Variants in TBC1D8 observed in about 807,000 individuals in gnomAD.
TBC1D8 encodes the protein BUB2-like protein 1.
A neutral mutation model predicts 118.8 loss-of-function variants in TBC1D8; 65 were observed. The ratio of observed to expected loss-of-function variants is 0.55; its 90% CI spans 0.45 to 0.67. The LOEUF (loss-of-function observed/expected upper bound fraction) is 0.67. Ranked by LOEUF, TBC1D8 falls within the 30% of genes least tolerant of loss-of-function variation. The pLI, the probability that TBC1D8 is intolerant of heterozygous loss-of-function variation, is 0.00. For missense variants in TBC1D8, 1,376 were observed against 1,471.2 expected (o/e 0.94, Z 1.06); for synonymous variants, 566 against 595.8 (o/e 0.95, Z 0.73).
chr2:101,131,018 G>A (rs1272204335), intron 1 of TBC1D8, among the ~76,000 whole-genome samples: 1 of 152,024 alleles, frequency 6.6e-6, no homozygotes, highest in Non-Finnish European at 1.5e-5. Flanking sequence ...TGCCCTGCTG[G>A]GTGTGGCACC....
chr2:101,007,875 T>C lies in TBC1D8; in HGVS notation c.3414A>G (p.Lys1138=). The stretch of plus-strand genomic sequence containing the variant: ...GTGATTGGTGGCTCATTTCAAAAGT[T>C]TTGAGATTGTACTGATTGATCTTGG... ...ENAKINQYNL[K]TFEMSHQSQS... Residue 1138 remains lysine, a synonymous_variant, in exon 20 of 20, where the codon AAA becomes AAG. Transcript: ENST00000409318. 3 of 1,612,422 alleles carry C rather than the reference T, an allele frequency of 1.9e-6. No homozygotes were observed. In the South Asian group the frequency reaches 3.3e-5, roughly 18 times the overall value.
At chr2:101,112,478 A>G (rs1341648390) in intron 1 of TBC1D8, among the ~76,000 whole-genome samples, 6 of 152,232 alleles carry the variant, frequency 3.9e-5, no homozygotes, top group Admixed American at 3.9e-4. Context: ...CCAAGATGTC[A>G]CAAAGAGCTT....
chr2:101,071,255 G>A (rs1459480097), intron 2 of TBC1D8, among the ~76,000 whole-genome samples: 3 of 152,166 alleles, frequency 2.0e-5, no homozygotes, highest in Admixed American at 6.5e-5. Flanking sequence ...TGAGGCAGGA[G>A]AATGGTGTGA....
chr2:101,035,580 A>G (rs2105393872), intron 9 of TBC1D8, among the ~76,000 whole-genome samples: 1 of 152,274 alleles, frequency 6.6e-6, no homozygotes, highest in East Asian at 1.9e-4. Context: ...ATGTGTCTTC[A>G]CTGGAGGAGG....
At chr2:101,068,571 T>C in intron 2 of TBC1D8, 1 of 559,798 alleles carries the variant, frequency 1.8e-6, no homozygotes, top group Middle Eastern at 4.8e-4. Flanking sequence ...CTGACTCTGG[T>C]AAAATTAGAG....
intron 2 of TBC1D8, among the ~76,000 whole-genome samples, chr2:101,072,095 A>G (rs370575215): frequency 6.6e-6 from 1 of 152,236 alleles, no homozygotes; most frequent in East Asian, 1.9e-4. Context: ...AACCAGGTGC[A>G]TTGTCAATAA....
At chr2:101,145,531 A>G (rs1396835121) in intron 1 of TBC1D8, among the ~76,000 whole-genome samples, 1 of 152,216 alleles carries the variant, frequency 6.6e-6, no homozygotes, top group African/African-American at 2.4e-5. Flanking sequence ...ACTCCAGCCA[A>G]CCTCAGACAG....
chr2:101,107,442 C>T (rs896089389), intron 1 of TBC1D8, among the ~76,000 whole-genome samples: 9 of 148,128 alleles, frequency 6.1e-5, no homozygotes, highest in African/African-American at 2.2e-4. Flanking sequence ...AGGGCCCAGA[C>T]AGAAAAAAAA....
At chr2:101,021,349 A>C (rs1680017681) in intron 17 of TBC1D8, among the ~76,000 whole-genome samples, 1 of 152,214 alleles carries the variant, frequency 6.6e-6, no homozygotes, top group Non-Finnish European at 1.5e-5. Flanking sequence ...ATAACTATTA[A>C]GGTAATGAGG....
rs765884689 is a variant in TBC1D8 at position 101,007,835 on chromosome 2, G to C, written c.3454C>G (p.Leu1152Val). The C allele has an allele frequency of 1.2e-5, 19 of 1,613,644 alleles. No homozygotes were observed. The highest frequency in any genetic ancestry group is 5.5e-5 in the South Asian group (5 of 91,072). ...CTGCTGTCTTGCTACAAGTTACTCA[G>C]CTTAAGTTCAGATTGTGATTGGTGG... ...MSHQSQSELK[L>V]SNL Residue 1152 changes from leucine to valine, a missense_variant, in exon 20 of 20, where the codon CTG becomes GTG. Transcript: ENST00000409318.
chr2:101,086,784 TTC>T (rs1006778980), intron 2 of TBC1D8, among the ~76,000 whole-genome samples: 8 of 152,064 alleles, frequency 5.3e-5, no homozygotes, highest in African/African-American at 1.9e-4. Context: ...GCAAAAAAAT[TTC>T]TTTTTTTCTT....
chr2:101,149,863 A>G (rs1679476548), intron 1 of TBC1D8, among the ~76,000 whole-genome samples: 1 of 152,164 alleles, frequency 6.6e-6, no homozygotes, highest in Non-Finnish European at 1.5e-5. Flanking sequence ...GTGCTGCCCA[A>G]GTTGCCCAAG....
intron 12 of TBC1D8, among the ~76,000 whole-genome samples, chr2:101,028,988 T>C (rs1680511554): frequency 1.3e-5 from 2 of 152,270 alleles, no homozygotes; most frequent in Middle Eastern, 3.4e-3. Context: ...TTTCTCACTG[T>C]GGAAAGGAGT....
chr2:101,024,041 A>G (rs1680194986), intron 15 of TBC1D8: 1 of 152,496 alleles, frequency 6.6e-6, no homozygotes, highest in East Asian at 1.9e-4. Flanking sequence ...AACCCAAGGT[A>G]CACCATGAAT....
At chr2:101,077,929 C>CT (rs2105443671) in intron 2 of TBC1D8, among the ~76,000 whole-genome samples, 1 of 152,328 alleles carries the variant, frequency 6.6e-6, no homozygotes, top group South Asian at 2.1e-4. Context: ...TAACAACACT[C>CT]TTACAGAACC....
chr2:101,048,341 A>G (rs1258597606), intron 5 of TBC1D8, among the ~76,000 whole-genome samples: 2 of 152,184 alleles, frequency 1.3e-5, no homozygotes, highest in Non-Finnish European at 2.9e-5. Flanking sequence ...AGGTGCTCCT[A>G]AGATGGAGGC....
chr2:101,028,578 T>C, intron 12 of TBC1D8, 146 bp from the exon 13 acceptor site: 2 of 1,239,062 alleles, frequency 1.6e-6, no homozygotes, highest in South Asian at 3.9e-5. Flanking sequence ...CGGCTTATTT[T>C]AGAGAAGCGA....
chr2:101,107,165 A>G (rs1677274895), intron 1 of TBC1D8, among the ~76,000 whole-genome samples: 1 of 152,152 alleles, frequency 6.6e-6, no homozygotes, highest in South Asian at 2.1e-4. Context: ...CAGGCAAGGG[A>G]AAGAGGCAAG....
At chr2:101,028,273 A>G (rs372940288) in intron 13 of TBC1D8, 30 bp downstream of exon 13, 13 of 1,598,264 alleles carry the variant, frequency 8.1e-6, no homozygotes, top group Non-Finnish European at 9.4e-6. Flanking sequence ...TAGGGGCTGC[A>G]ACGGGGCATG....
Sources: gnomAD v4.1 joint callset for allele counts (sites outside exome capture counted in the v4.1 genomes callset) on GRCh38, gnomAD v4.1.1 for gene constraint, MANE v1.5 for transcripts, NCBI Gene and HGNC (gene_info 2026-07-23, HGNC 2026-07-21) for gene names.